The following SAMD12 variants were observed in gnomAD, a reference collection of about 807,000 sequenced individuals.
SAMD12 encodes sterile alpha motif domain-containing protein 12.
SAMD12 carries 9 observed loss-of-function variants against 15.0 expected under a neutral mutation model. The ratio of observed to expected loss-of-function variants is 0.60; its 90% CI spans 0.36 to 1.05. The LOEUF is 1.05. Among genes scored for constraint, SAMD12 ranks in the 50% least tolerant of loss-of-function variants. The pLI, the probability that SAMD12 is intolerant of heterozygous loss-of-function variation, is 0.01. For missense variants in SAMD12, 230 were observed against 234.2 expected, an observed-to-expected ratio of 0.98 and a Z score of 0.12; for synonymous variants, 86 against 90.1, an observed-to-expected ratio of 0.96 and a Z score of 0.25.
intron 2 of SAMD12, among the ~76,000 whole-genome samples, chr8:118,462,795 G>A (rs1392318642): frequency 6.6e-6 from 1 of 152,128 alleles, no homozygotes; most frequent in Non-Finnish European, 1.5e-5. Flanking sequence ...AAAAGGTTAG[G>A]TTCTATAAGA....
intron 2 of SAMD12, among the ~76,000 whole-genome samples, chr8:118,484,140 G>C (rs1160407737): frequency 2.6e-5 from 4 of 152,166 alleles, no homozygotes; most frequent in Admixed American, 2.6e-4. Flanking sequence ...CATGGGAGCA[G>C]AGACATCAAT....
chr8:118,250,656 G>A (rs10098059), intron 4 of SAMD12, among the ~76,000 whole-genome samples: 1 of 151,852 alleles, frequency 6.6e-6, no homozygotes, highest in Non-Finnish European at 1.5e-5. Context: ...ACCATGTCTG[G>A]CTAAATTTTT....
At chr8:118,532,184 A>G (rs1434413042) in intron 2 of SAMD12, among the ~76,000 whole-genome samples, 6 of 152,174 alleles carry the variant, frequency 3.9e-5, no homozygotes, top group Non-Finnish European at 8.8e-5. Flanking sequence ...TTCTGCATCT[A>G]TTGAAATAAT....
chr8:118,133,782 A>T, the SAMD12 span, among the ~76,000 whole-genome samples: 1 of 152,140 alleles, frequency 6.6e-6, no homozygotes, highest in East Asian at 1.9e-4. Context: ...TTTGTTGCTG[A>T]TAAAATAAGA....
At chr8:118,254,594 C>G (rs964970513) in intron 4 of SAMD12, among the ~76,000 whole-genome samples, 4 of 152,042 alleles carry the variant, frequency 2.6e-5, no homozygotes, top group African/African-American at 9.7e-5. Flanking sequence ...ACACAAACTT[C>G]CCCCTTCCTC....
intron 3 of SAMD12, among the ~76,000 whole-genome samples, chr8:118,403,938 A>T (rs576696000): frequency 6.6e-5 from 10 of 152,306 alleles, no homozygotes; most frequent in Admixed American, 3.9e-4. Flanking sequence ...GTTTCCAGCA[A>T]TATAAGTCTC....
chr8:118,350,931 C>T (rs1285317545), intron 4 of SAMD12, among the ~76,000 whole-genome samples: 1 of 152,182 alleles, frequency 6.6e-6, no homozygotes, highest in African/African-American at 2.4e-5. Flanking sequence ...TTACTTTTCT[C>T]AGTGTCATTC....
At chr8:118,145,536 T>C in the SAMD12 span, among the ~76,000 whole-genome samples, 10 of 152,242 alleles carry the variant, frequency 6.6e-5, no homozygotes, top group Non-Finnish European at 1.2e-4. Context: ...ATGTAGTCCC[T>C]ACTTTTAAAG....
chr8:118,307,346 A>G (rs1289878195), intron 4 of SAMD12, among the ~76,000 whole-genome samples: 1 of 152,210 alleles, frequency 6.6e-6, no homozygotes, highest in Non-Finnish European at 1.5e-5. Context: ...CCTTCCACTC[A>G]TGATTTAGTT....
chr8:118,354,598 A>G (rs1185623247), intron 4 of SAMD12, among the ~76,000 whole-genome samples: 4 of 152,344 alleles, frequency 2.6e-5, no homozygotes. Context: ...TCACATTAAA[A>G]TAAAGTATAA....
intron 4 of SAMD12, among the ~76,000 whole-genome samples, chr8:118,255,660 C>A (rs1404575309): frequency 6.6e-6 from 1 of 151,424 alleles, no homozygotes; most frequent in African/African-American, 2.4e-5. Context: ...CAATTTCATC[C>A]ATGTCCCTAC....
chr8:118,458,020 T>A (rs886981524), intron 2 of SAMD12, among the ~76,000 whole-genome samples: 7 of 152,216 alleles, frequency 4.6e-5, no homozygotes, highest in Admixed American at 1.3e-4. Flanking sequence ...GGAAATGAAA[T>A]CTTGAATCCC....
At chr8:118,326,273 G>A (rs1194410284) in intron 4 of SAMD12, among the ~76,000 whole-genome samples, 3 of 152,092 alleles carry the variant, frequency 2.0e-5, no homozygotes, top group Non-Finnish European at 2.9e-5. Flanking sequence ...CAGGAACAAC[G>A]GTTCCAGGAC....
At chr8:118,318,785 TG>T (rs1816079498) in intron 4 of SAMD12, among the ~76,000 whole-genome samples, 1 of 152,096 alleles carries the variant, frequency 6.6e-6, no homozygotes, top group Non-Finnish European at 1.5e-5. Context: ...ACCCCAACCC[TG>T]GGGAGGGGGC....
At chr8:118,338,361 T>C (rs1368225283) in intron 4 of SAMD12, among the ~76,000 whole-genome samples, 1 of 152,246 alleles carries the variant, frequency 6.6e-6, no homozygotes, top group South Asian at 2.1e-4. Flanking sequence ...TTTTTATTAA[T>C]AGTTTCTGCA....
chr8:118,287,553 T>C (rs1253536620), intron 4 of SAMD12, among the ~76,000 whole-genome samples: 6 of 152,188 alleles, frequency 3.9e-5, no homozygotes, highest in Non-Finnish European at 5.9e-5. Context: ...AGAGAGAAAT[T>C]CTGAACATGG....
At chr8:118,385,416 C>G (rs1425980977) in intron 3 of SAMD12, among the ~76,000 whole-genome samples, 3 of 152,172 alleles carry the variant, frequency 2.0e-5, no homozygotes, top group African/African-American at 4.8e-5. Flanking sequence ...TGGACTCAAA[C>G]TAGGATGTTA....
chr8:118,176,547 G>T, the SAMD12 span, among the ~76,000 whole-genome samples: 1 of 152,148 alleles, frequency 6.6e-6, no homozygotes, highest in African/African-American at 2.4e-5. Context: ...ATTATCCTAA[G>T]TGAATTAATG....
intron 4 of SAMD12, among the ~76,000 whole-genome samples, chr8:118,213,916 TA>T (rs1278361604): frequency 6.6e-6 from 1 of 152,024 alleles, no homozygotes; most frequent in East Asian, 1.9e-4. Context: ...GCTACAGAAT[TA>T]AAAAAACATT....
Sources: gnomAD v4.1 joint callset for allele counts (sites outside exome capture counted in the v4.1 genomes callset) on GRCh38, gnomAD v4.1.1 for gene constraint, MANE v1.5 for transcripts, NCBI Gene and HGNC (gene_info 2026-07-23, HGNC 2026-07-21) for gene names.